The following PDE12 variants were observed in gnomAD, a reference collection of about 807,000 sequenced individuals.
PDE12 encodes phosphodiesterase 12, also known as 2',5'-phosphodiesterase 12.
In PDE12, 26 loss-of-function variants were observed where a neutral mutation model predicts 45.4. The observed-to-expected ratio is 0.57, with a 90% CI of 0.42 to 0.79. The LOEUF is 0.79. PDE12 is among the 30% of genes least tolerant of loss of function. The pLI, the probability that PDE12 is intolerant of heterozygous loss-of-function variation, is 0.00. For synonymous variants in PDE12, 283 were observed against 323.9 expected, an observed-to-expected ratio of 0.87 and a Z score of 1.36; for missense variants, 668 against 790.0, an observed-to-expected ratio of 0.85 and a Z score of 1.85.
the PDE12 span, among the ~76,000 whole-genome samples, chr3:57,607,210 A>T: frequency 1.3e-5 from 2 of 152,102 alleles, no homozygotes; most frequent in East Asian, 1.9e-4. Flanking sequence ...GAAAACTAAC[A>T]AACAGGACAT....
chr3:57,582,392 G>A, the PDE12 span, among the ~76,000 whole-genome samples: 617 of 151,556 alleles, frequency 4.1e-3, 1 homozygote, highest in Middle Eastern at 6.8e-3. Flanking sequence ...ACAGGTGCGC[G>A]CCACCACGCC....
chr3:57,618,966 T>C, the PDE12 span, among the ~76,000 whole-genome samples: 1 of 152,168 alleles, frequency 6.6e-6, no homozygotes, highest in African/African-American at 2.4e-5. Flanking sequence ...ACTTGTTAAA[T>C]ACATTTAACG....
the PDE12 span, chr3:57,641,623 T>C: frequency 6.3e-7 from 1 of 1,584,258 alleles, no homozygotes; most frequent in East Asian, 2.2e-5. Flanking sequence ...CACTGCACAC[T>C]AGAAACAGAA....
At chr3:57,597,739 G>A in the PDE12 span, 1 of 153,218 alleles carries the variant, frequency 6.5e-6, no homozygotes, top group African/African-American at 2.4e-5. Flanking sequence ...GGCGAGCTGA[G>A]CATTATGGGT....
chr3:57,575,920 A>G, the PDE12 span, among the ~76,000 whole-genome samples: 1 of 152,178 alleles, frequency 6.6e-6, no homozygotes, highest in Admixed American at 6.5e-5. Context: ...CCATTAAATT[A>G]AAGCAAATCA....
the PDE12 span, among the ~76,000 whole-genome samples, chr3:57,617,715 A>T: frequency 6.6e-6 from 1 of 151,984 alleles, no homozygotes; most frequent in African/African-American, 2.4e-5. Context: ...AATTTTTTTT[A>T]AATTAGCCAA....
the PDE12 span, among the ~76,000 whole-genome samples, chr3:57,652,252 C>A: frequency 6.6e-6 from 1 of 152,164 alleles, no homozygotes; most frequent in East Asian, 1.9e-4. Flanking sequence ...TCTCTCAGTG[C>A]TTGCTCTGGG....
At chr3:57,608,881 AG>A in the PDE12 span, among the ~76,000 whole-genome samples, 1 of 152,206 alleles carries the variant, frequency 6.6e-6, no homozygotes, top group Non-Finnish European at 1.5e-5. Context: ...CTCTGCACCA[AG>A]TGGACCTAAT....
the PDE12 span, chr3:57,577,331 A>G: frequency 1.2e-6 from 2 of 1,613,410 alleles, no homozygotes; most frequent in East Asian, 2.2e-5. Flanking sequence ...TCTGCAGCTC[A>G]TCTGCTACTT....
At chr3:57,571,397 A>G (rs6908), downstream of PDE12, 37,724 of 152,308 alleles carry the variant, frequency 0.25, 6,628 homozygotes, top group African/African-American at 0.49. Context: ...GAATAATTCC[A>G]AATGGGTTAT....
chr3:57,650,200 C>T, the PDE12 span, among the ~76,000 whole-genome samples: 11 of 151,792 alleles, frequency 7.2e-5, no homozygotes, highest in East Asian at 1.5e-3. Context: ...GTACATTCCT[C>T]GTGTGATGGG....
the PDE12 span, chr3:57,597,996 G>T: frequency 6.6e-6 from 1 of 152,208 alleles, no homozygotes; most frequent in Non-Finnish European, 1.5e-5. Flanking sequence ...CTCTAATTCT[G>T]TCAAGGCGAG....
downstream of PDE12, among the ~76,000 whole-genome samples, chr3:57,570,328 C>T (rs138384470): frequency 4.3e-3 from 612 of 143,816 alleles, 6 homozygotes; most frequent in African/African-American, 0.015. Flanking sequence ...TCTCTTGCCT[C>T]AGCCTCTCAA....
the PDE12 span, among the ~76,000 whole-genome samples, chr3:57,618,607 GTTTTTTT>G: frequency 1.3e-5 from 1 of 79,390 alleles, no homozygotes; most frequent in Non-Finnish European, 2.3e-5. Flanking sequence ...TTGCTTTTGT[GTTTTTTT>G]TTTTTTTTTT....
At chr3:57,656,048 A>G in the PDE12 span, among the ~76,000 whole-genome samples, 1 of 152,230 alleles carries the variant, frequency 6.6e-6, no homozygotes, top group Non-Finnish European at 1.5e-5. Context: ...TAATAATGCC[A>G]TAACATGTAC....
the PDE12 span, chr3:57,584,461 C>T: frequency 6.2e-7 from 1 of 1,612,298 alleles, no homozygotes; most frequent in Non-Finnish European, 8.5e-7. Flanking sequence ...AGCATCCAAT[C>T]CAACTAGAAG....
At chr3:57,595,747 G>C in the PDE12 span, among the ~76,000 whole-genome samples, 1 of 152,060 alleles carries the variant, frequency 6.6e-6, no homozygotes, top group Admixed American at 6.6e-5. Flanking sequence ...TGAGGAGTTC[G>C]AGACCAGACT....
chr3:57,633,174 A>G, the PDE12 span: 2 of 1,097,224 alleles, frequency 1.8e-6, no homozygotes, highest in Non-Finnish European at 2.7e-6. Context: ...CAAAACACAC[A>G]ACTTAAGATA....
At chr3:57,608,499 T>C in the PDE12 span, among the ~76,000 whole-genome samples, 1 of 151,882 alleles carries the variant, frequency 6.6e-6, no homozygotes, top group Non-Finnish European at 1.5e-5. Context: ...ACCCATCTCA[T>C]GTGCAGAGAC....
Sources: allele counts gnomAD v4.1 joint callset (sites outside exome capture counted in the v4.1 genomes callset), GRCh38; gene constraint gnomAD v4.1.1; transcripts MANE v1.5; gene names NCBI Gene and HGNC (gene_info 2026-07-23, HGNC 2026-07-21).